SHISA9: variants seen among roughly 807,000 people sequenced by gnomAD.
The protein encoded by SHISA9 is shisa family member 9, also known as protein shisa-9.
Under a neutral mutation model 38.0 loss-of-function variants are expected in SHISA9, and 13 were observed. The ratio of observed to expected loss-of-function variants is 0.34; its 90% confidence interval spans 0.22 to 0.54. The LOEUF is 0.54. Ranked by LOEUF, SHISA9 falls within the 20% of genes least tolerant of loss-of-function variation. SHISA9 has a pLI of 0.91. For synonymous variants in SHISA9, 275 were observed against 242.0 expected, an observed-to-expected ratio of 1.14 and a Z score of -1.27; for missense variants, 538 against 575.8, an observed-to-expected ratio of 0.93 and a Z score of 0.67.
At chr16:13,190,696 C>G (rs2050876564) in intron 2 of SHISA9, among the ~76,000 whole-genome samples, 1 of 152,178 alleles carries the variant, frequency 6.6e-6, no homozygotes, top group East Asian at 1.9e-4. Flanking sequence ...CTATTTGCAG[C>G]ACAACCGGGA....
intron 3 of SHISA9, among the ~76,000 whole-genome samples, chr16:13,207,472 A>T (rs1258526993): frequency 3.4e-5 from 2 of 59,152 alleles, no homozygotes; most frequent in Admixed American, 1.7e-4. Context: ...GACAAGAATA[A>T]AAAAAAAAGG....
chr16:13,013,325 A>T (rs1490419843), intron 2 of SHISA9, among the ~76,000 whole-genome samples: 2 of 152,172 alleles, frequency 1.3e-5, no homozygotes, highest in Non-Finnish European at 2.9e-5. Flanking sequence ...GGACGCCTAT[A>T]GCCCTTTGTT....
chr16:13,286,996 T>A, the SHISA9 span, among the ~76,000 whole-genome samples: 1 of 152,216 alleles, frequency 6.6e-6, no homozygotes, highest in Admixed American at 6.5e-5. Flanking sequence ...TAATTTTTTT[T>A]AACTCATTAC....
At chr16:12,945,048 A>G (rs1182422805) in intron 2 of SHISA9, among the ~76,000 whole-genome samples, 3 of 152,166 alleles carry the variant, frequency 2.0e-5, no homozygotes, top group Admixed American at 6.5e-5. Flanking sequence ...GGGCTTATCC[A>G]CCAAATTCTA....
chr16:13,480,550 C>G, the SHISA9 span, among the ~76,000 whole-genome samples: 1,262 of 152,234 alleles, frequency 8.3e-3, 17 homozygotes, highest in African/African-American at 0.029. Flanking sequence ...CAGGGCAACC[C>G]CACTTCCATT....
the SHISA9 span, among the ~76,000 whole-genome samples, chr16:13,502,988 A>C: frequency 6.6e-6 from 1 of 152,244 alleles, no homozygotes; most frequent in Non-Finnish European, 1.5e-5. Context: ...GTAATAAAAC[A>C]ATCAGAATAT....
rs184644650 is a variant in SHISA9 at position 12,909,662 on chromosome 16, G to C, written c.564-7026G>C. ...CCAGCTCCAATGTCATCTTCTCTGA[G>C]AAGCCGTCCCTGACCAGGCTTAGTT... On this transcript the variant is annotated intron_variant, in intron 1 of 4. Transcript: ENST00000558583. The C allele has an allele frequency of 1.5e-4, 144 of 958,812 alleles. 1 individual carries two copies. In the African/African-American group the frequency reaches 2.4e-3, roughly 16 times the overall value. 59.4% of individuals were successfully genotyped at this position (958,812 alleles called of 1,614,324 possible).
intron 2 of SHISA9, among the ~76,000 whole-genome samples, chr16:13,183,703 C>T (rs12918845): frequency 0.19 from 28,350 of 152,198 alleles, 2,831 homozygotes; most frequent in African/African-American, 0.27. Context: ...TACCTATTCT[C>T]ATTTCAGGTA....
the SHISA9 span, among the ~76,000 whole-genome samples, chr16:13,383,516 G>C: frequency 5.3e-5 from 8 of 152,262 alleles, no homozygotes; most frequent in African/African-American, 1.4e-4. Flanking sequence ...GAACATCTCC[G>C]AAAAGATGAA....
the SHISA9 span, among the ~76,000 whole-genome samples, chr16:13,293,264 C>T: frequency 1.4e-4 from 22 of 152,218 alleles, no homozygotes; most frequent in Admixed American, 3.9e-4. Flanking sequence ...ACACACACAC[C>T]CTTACTTTTC....
intron 4 of SHISA9, among the ~76,000 whole-genome samples, chr16:13,214,706 G>A (rs1216898608): frequency 2.0e-5 from 3 of 152,192 alleles, no homozygotes; most frequent in African/African-American, 7.2e-5. Context: ...AGAAGGGAAG[G>A]AGGAGCAAGT....
intron 1 of SHISA9, among the ~76,000 whole-genome samples, chr16:12,905,990 C>T (rs761341792): frequency 1.3e-5 from 2 of 152,220 alleles, no homozygotes; most frequent in Non-Finnish European, 1.5e-5. Flanking sequence ...GCATCCTGGG[C>T]TGCTTACGCA....
At chr16:12,960,772 C>G (rs1464162573) in intron 2 of SHISA9, among the ~76,000 whole-genome samples, 1 of 152,154 alleles carries the variant, frequency 6.6e-6, no homozygotes, top group South Asian at 2.1e-4. Flanking sequence ...TCTTCCAGTT[C>G]CGTCCTCTTC....
the SHISA9 span, among the ~76,000 whole-genome samples, chr16:13,404,143 C>T: frequency 6.6e-6 from 1 of 152,140 alleles, no homozygotes; most frequent in South Asian, 2.1e-4. Context: ...GATCCCCCAC[C>T]ACCTAAAATT....
At chr16:12,904,110 C>T (rs1596519234) in intron 1 of SHISA9, among the ~76,000 whole-genome samples, 2 of 152,184 alleles carry the variant, frequency 1.3e-5, no homozygotes, top group South Asian at 4.2e-4. Context: ...GCTCTGGCCC[C>T]GCCCACCTTC....
chr16:13,435,381 A>G, the SHISA9 span, among the ~76,000 whole-genome samples: 1 of 152,252 alleles, frequency 6.6e-6, no homozygotes, highest in Admixed American at 6.5e-5. Context: ...AAAGTTAAAT[A>G]AAACATCAGG....
At chr16:13,402,407 G>A in the SHISA9 span, among the ~76,000 whole-genome samples, 8 of 152,232 alleles carry the variant, frequency 5.3e-5, 1 homozygote, top group East Asian at 1.4e-3. Flanking sequence ...GGACAAGAAG[G>A]ACATTTCTGT....
chr16:13,247,116 T>C, the SHISA9 span, among the ~76,000 whole-genome samples: 18,267 of 152,068 alleles, frequency 0.12, 1,120 homozygotes, highest in Middle Eastern at 0.17. Flanking sequence ...AAGGACCTTC[T>C]TCACATGGTG....
the SHISA9 span, among the ~76,000 whole-genome samples, chr16:13,249,362 A>T: frequency 6.6e-6 from 1 of 152,222 alleles, no homozygotes; most frequent in Non-Finnish European, 1.5e-5. Context: ...TGGGCAATCA[A>T]TTTAGCCTCC....
Sources: allele counts gnomAD v4.1 joint callset (sites outside exome capture counted in the v4.1 genomes callset), GRCh38; gene constraint gnomAD v4.1.1; transcripts MANE v1.5; gene names NCBI Gene and HGNC (gene_info 2026-07-23, HGNC 2026-07-21).